The following SHCBP1 variants were observed in gnomAD, a reference collection of about 807,000 sequenced individuals.
The protein encoded by SHCBP1 is SHC binding and spindle associated 1, also known as SHC SH2 domain-binding protein 1.
A neutral mutation model predicts 75.1 loss-of-function variants in SHCBP1; 60 were observed. The observed-to-expected ratio is 0.80, with a 90% confidence interval of 0.65 to 0.99. SHCBP1 has a LOEUF of 0.99. Among genes scored for constraint, SHCBP1 ranks in the 50% least tolerant of loss-of-function variants. SHCBP1 has a pLI of 0.00. For synonymous variants in SHCBP1, 290 were observed against 293.2 expected (o/e 0.99, Z 0.11); for missense variants, 709 against 809.4 (o/e 0.88, Z 1.50).
At chr16:46,588,794 AAG>A (rs1964993453) in intron 10 of SHCBP1, among the ~76,000 whole-genome samples, 1 of 152,184 alleles carries the variant, frequency 6.6e-6, no homozygotes. Flanking sequence ...TCAATAGAAA[AAG>A]AGGGAATCCT....
At chr16:46,587,260 T>C (rs1007383173) in intron 10 of SHCBP1, among the ~76,000 whole-genome samples, 4 of 152,086 alleles carry the variant, frequency 2.6e-5, no homozygotes, top group Non-Finnish European at 4.4e-5. Flanking sequence ...ACATATAATA[T>C]ACAACCTAGG....
rs1204641185 is a variant in SHCBP1 at position 46,580,124 on chromosome 16, C to CAA, written c.*1603_*1604dup. On this transcript the variant is annotated 3_prime_UTR_variant, in exon 13 of 13. Transcript: ENST00000303383. ...TGGGTGACAGAGCAAGACTCCATCTCAAAAAAAAAAAAAAAGTGATTTTTT... is the reference window on the plus strand; with the variant it reads ...TGGGTGACAGAGCAAGACTCCATCTCAAAAAAAAAAAAAAAAAGTGATTTTTT... Among the ~76,000 whole-genome samples the CAA allele has an allele frequency of 4.6e-5, 4 of 87,236 alleles. No homozygotes were observed. The highest frequency in any genetic ancestry group is 3.6e-4 in the South Asian group (1 of 2,764). The allele number at this position is 87,236 out of a possible 152,430, so 57.2% of individuals were successfully genotyped here. A position where few individuals can be genotyped will look rare whatever the true frequency, so the allele number is the denominator to read the frequency against.
intron 4 of SHCBP1, among the ~76,000 whole-genome samples, chr16:46,608,812 G>C (rs1354716876): frequency 6.6e-6 from 1 of 151,984 alleles, no homozygotes; most frequent in Non-Finnish European, 1.5e-5. Context: ...TGTTGGCCAG[G>C]CTGGTCTCAA....
chr16:46,618,795 C>G (rs1335224526), intron 1 of SHCBP1, among the ~76,000 whole-genome samples: 1 of 152,188 alleles, frequency 6.6e-6, no homozygotes, highest in Non-Finnish European at 1.5e-5. Context: ...ACATGCACCA[C>G]CACATCCAGC....
chr16:46,592,714 T>A (rs1342517198), intron 10 of SHCBP1, among the ~76,000 whole-genome samples: 2 of 151,828 alleles, frequency 1.3e-5, no homozygotes, highest in African/African-American at 4.8e-5. Flanking sequence ...TTAGCAAATA[T>A]AATTCAGCAA....
intron 4 of SHCBP1, among the ~76,000 whole-genome samples, chr16:46,608,850 C>T (rs1483875292): frequency 1.3e-5 from 2 of 152,120 alleles, no homozygotes; most frequent in African/African-American, 2.4e-5. Flanking sequence ...TCACCCGCCT[C>T]GGACTCCCAA....
At chr16:46,585,269 G>A (rs544099110) in intron 10 of SHCBP1, among the ~76,000 whole-genome samples, 1 of 152,160 alleles carries the variant, frequency 6.6e-6, no homozygotes, top group Non-Finnish European at 1.5e-5. Context: ...AAAAGTAACT[G>A]AGGAGCCTGC....
chr16:46,608,488 T>C (rs1193467997), intron 4 of SHCBP1, 99 bp from the exon 5 acceptor site: 8 of 740,604 alleles, frequency 1.1e-5, no homozygotes, highest in Non-Finnish European at 1.8e-5. Context: ...ACAATTCTCA[T>C]ATCTTAGAGA....
chr16:46,604,263 T>C lies in SHCBP1; in HGVS notation c.888A>G (p.Lys296=). Residue 296 remains lysine (K), a synonymous_variant, in exon 6 of 13, where the codon AAA becomes AAG. Transcript: ENST00000303383. ...GATTCTCAATGAGTTTCAGCTTTTG[T>C]TTCAACTGTTCCATCTCCGAATACA... is the stretch of plus-strand genomic sequence containing the variant. ...LKLYSEMEQL[K]QKLKLIENPL... is the part of the protein sequence containing the mutation. The C allele has an allele frequency of 1.2e-6, 2 of 1,614,248 alleles. No homozygotes were observed. Among genetic ancestry groups the C allele is most frequent in the Non-Finnish European group, 1.7e-6 (2 of 1,180,032 alleles).
intron 10 of SHCBP1, among the ~76,000 whole-genome samples, chr16:46,594,847 T>C (rs1965110114): frequency 1.3e-5 from 2 of 152,270 alleles, no homozygotes; most frequent in South Asian, 4.1e-4. Context: ...AATCTAGACA[T>C]CCTTCCACAA....
intron 1 of SHCBP1, among the ~76,000 whole-genome samples, chr16:46,618,984 T>C (rs998555885): frequency 6.6e-6 from 1 of 152,208 alleles, no homozygotes; most frequent in Non-Finnish European, 1.5e-5. Flanking sequence ...CTCAGATGGG[T>C]TAAGCCCTCC....
chr16:46,599,996 G>A, intron 8 of SHCBP1, 34 bp from the exon 9 acceptor site: 2 of 1,607,610 alleles, frequency 1.2e-6, no homozygotes, highest in South Asian at 2.2e-5. Flanking sequence ...CTCAAGATGG[G>A]TGAGGAAAAA....
rs1964838728 is a variant in SHCBP1, at chr16:46,579,486, A to C, written c.*2243T>G. Among the ~76,000 whole-genome samples, 1 of 152,226 alleles carries C rather than the reference A, an allele frequency of 6.6e-6. No homozygotes were observed. The highest frequency in any genetic ancestry group is 1.5e-5 in the Non-Finnish European group (1 of 68,030). Reference sequence around the variant, plus strand: ...TATAAAAAGAAACAAGGAAGGTATAAATGTTACTAACTTATCTACAAAATC... The same window carrying C: ...TATAAAAAGAAACAAGGAAGGTATACATGTTACTAACTTATCTACAAAATC... On this transcript the variant is annotated 3_prime_UTR_variant, in exon 13 of 13. Transcript: ENST00000303383.
chr16:46,596,656 G>A (rs866708200), intron 9 of SHCBP1, among the ~76,000 whole-genome samples: 28 of 151,876 alleles, frequency 1.8e-4, no homozygotes, highest in Admixed American at 2.6e-4. Flanking sequence ...GACCTCAGGT[G>A]ATTCACCCGC....
intron 11 of SHCBP1, 136 bp from the exon 12 acceptor site, chr16:46,583,793 C>A: frequency 9.3e-7 from 1 of 1,072,444 alleles, no homozygotes; most frequent in Non-Finnish European, 1.3e-6. Flanking sequence ...ACAGTCTGCA[C>A]CCTTAGTGAC....
intron 10 of SHCBP1, among the ~76,000 whole-genome samples, chr16:46,591,006 C>G (rs909072682): frequency 6.6e-6 from 1 of 152,106 alleles, no homozygotes; most frequent in African/African-American, 2.4e-5. Context: ...GATGAGTTCA[C>G]GTCCTTTGTA....
At chr16:46,587,743 T>C (rs907081003) in intron 10 of SHCBP1, among the ~76,000 whole-genome samples, 1 of 151,958 alleles carries the variant, frequency 6.6e-6, no homozygotes, top group African/African-American at 2.4e-5. Context: ...CTGTCAACAT[T>C]AGACAGATCA....
In SHCBP1 at chr16:46,621,237, C is replaced by T; in HGVS notation, c.103+20G>A. Reference sequence around the variant, plus strand: ...CCTCCGCTCAGAGGCGGCTCCTCGGCCCCGGCATGGAGAGCTCACCTTTCT... The same window carrying T: ...CCTCCGCTCAGAGGCGGCTCCTCGGTCCCGGCATGGAGAGCTCACCTTTCT... On this transcript the variant is annotated intron_variant, in intron 1 of 12. Transcript: ENST00000303383. 6.3e-7 allele frequency: 1 copy of T among 1,593,744 alleles called. No homozygotes were observed. The highest frequency in any genetic ancestry group is 1.3e-5 in the African/African-American group (1 of 74,440).
chr16:46,587,121 A>G (rs926858431), intron 10 of SHCBP1, among the ~76,000 whole-genome samples: 4 of 152,194 alleles, frequency 2.6e-5, no homozygotes, highest in Admixed American at 2.6e-4. Context: ...ATTCTCTAAT[A>G]TGGTTCTAGA....
Sources: gnomAD v4.1 joint callset for allele counts (sites outside exome capture counted in the v4.1 genomes callset) on GRCh38, gnomAD v4.1.1 for gene constraint, MANE v1.5 for transcripts, NCBI Gene and HGNC (gene_info 2026-07-23, HGNC 2026-07-21) for gene names.